Variants in GNAZ observed in about 807,000 individuals in gnomAD.
The protein encoded by GNAZ is G protein subunit alpha z.
GNAZ carries 3 observed loss-of-function variants against 25.4 expected under a neutral mutation model. The ratio of observed to expected loss-of-function variants is 0.12; its 90% CI spans 0.05 to 0.30. The LOEUF (loss-of-function observed/expected upper bound fraction) is 0.30, where lower values mean the gene tolerates loss of function less well. GNAZ is among the 10% of genes least tolerant of loss of function. GNAZ has a pLI of 1.00. For missense variants in GNAZ, 241 were observed against 501.8 expected (o/e 0.48, Z 4.97); for synonymous variants, 211 against 205.7 (o/e 1.03, Z -0.22).
intron 2 of GNAZ, among the ~76,000 whole-genome samples, chr22:23,102,238 G>A (rs1336043690): frequency 6.6e-6 from 1 of 152,242 alleles, no homozygotes; most frequent in Non-Finnish European, 1.5e-5. Flanking sequence ...ATGGGTATCT[G>A]CTCGCCTAGG....
In GNAZ at chr22:23,071,530, G is replaced by T. The variant is rs1208943684; in HGVS notation, c.-450+960G>T. 2.0e-5 allele frequency among the ~76,000 whole-genome samples: 3 copies of T among 152,222 alleles called. No homozygotes were observed. The highest frequency in any genetic ancestry group is 2.0e-4 in the Admixed American group (3 of 15,292). Reference sequence around the variant, plus strand: ...CCCTGCCCTGGGGATTGAGCTCTCTGGAGAAGGCTCCTTGGCCAAATTCAA... The same window carrying T: ...CCCTGCCCTGGGGATTGAGCTCTCTTGAGAAGGCTCCTTGGCCAAATTCAA... On this transcript the variant is annotated intron_variant, in intron 1 of 2. Transcript: ENST00000615612. The surrounding 1 kb of genome is among the most constrained non-coding windows in gnomAD (Gnocchi z 4.1).
chr22:23,086,540 C>T (rs1437616093), intron 1 of GNAZ, among the ~76,000 whole-genome samples: 3 of 152,196 alleles, frequency 2.0e-5, no homozygotes, highest in African/African-American at 7.2e-5. Flanking sequence ...AGCAGGCACA[C>T]TATAGTTGAG....
chr22:23,118,519 G>A (rs1395671621), intron 2 of GNAZ, among the ~76,000 whole-genome samples: 1 of 151,692 alleles, frequency 6.6e-6, no homozygotes, highest in Non-Finnish European at 1.5e-5. Flanking sequence ...AGAGGTGAAG[G>A]CAAGGAGGGC....
chr22:23,095,557 G>A lies in GNAZ; in HGVS notation c.-139G>A. 1.1e-6 allele frequency: 1 copy of A among 916,528 alleles called. No individual in the cohort carries two copies. Among genetic ancestry groups the A allele is most frequent in the Non-Finnish European group, 1.6e-6 (1 of 616,488 alleles). The allele number at this position is 916,528 out of a possible 1,614,324, so 56.8% of individuals were successfully genotyped here. On this transcript the variant is annotated 5_prime_UTR_variant, in exon 2 of 3. Transcript: ENST00000615612. ...GCGCTGGGGCAGGGGCTGCAGTGTGGCTCGGCCTCACCCCCCTGCTGGCAC... is the reference window on the plus strand; with the variant it reads ...GCGCTGGGGCAGGGGCTGCAGTGTGACTCGGCCTCACCCCCCTGCTGGCAC...
At chr22:23,099,772 AG>A (rs954761136) in intron 2 of GNAZ, among the ~76,000 whole-genome samples, 7 of 152,232 alleles carry the variant, frequency 4.6e-5, no homozygotes, top group Non-Finnish European at 1.0e-4. Flanking sequence ...TAGGAGGGAA[AG>A]GCAAAGTGGA....
chr22:23,112,993 G>A (rs756123394), intron 2 of GNAZ, among the ~76,000 whole-genome samples: 1 of 152,202 alleles, frequency 6.6e-6, no homozygotes, highest in Non-Finnish European at 1.5e-5. Flanking sequence ...CAGGTCTGAC[G>A]TGGCCCATTT....
At chr22:23,122,999 C>T in intron 2 of GNAZ, 88 bp from the exon 3 acceptor site, 1 of 871,510 alleles carries the variant, frequency 1.1e-6, no homozygotes, top group Admixed American at 2.0e-5. Flanking sequence ...GAGACCCTAG[C>T]AAAGGCTTCC....
chr22:23,073,396 G>C lies in GNAZ; in HGVS notation c.-450+2826G>C, dbSNP rs533446716. 2.0e-5 allele frequency among the ~76,000 whole-genome samples: 3 copies of C among 152,352 alleles called. No individual in the cohort carries two copies. In the South Asian group the frequency reaches 6.2e-4, roughly 32 times the overall value. ...TGCTGCGGCCTGGGCAGAATGAAGA[G>C]GGACGTGGGAGCACCCAGACTGTTG... is the stretch of plus-strand genomic sequence containing the variant. On this transcript the variant is annotated intron_variant, in intron 1 of 2. Coordinates refer to ENST00000615612, the MANE Select transcript of GNAZ (RefSeq NM_002073.4).
intron 2 of GNAZ, among the ~76,000 whole-genome samples, chr22:23,111,919 A>T (rs1276452720): frequency 6.6e-6 from 1 of 152,172 alleles, no homozygotes; most frequent in African/African-American, 2.4e-5. Context: ...CTGATCACAG[A>T]GTGTGTCACT....
chr22:23,116,845 C>T (rs371773088), intron 2 of GNAZ, among the ~76,000 whole-genome samples: 21 of 152,008 alleles, frequency 1.4e-4, no homozygotes, highest in African/African-American at 3.4e-4. Context: ...CAAAAACAGG[C>T]CCCCAGTCCA....
intron 1 of GNAZ, among the ~76,000 whole-genome samples, chr22:23,086,569 C>T (rs1449250878): frequency 6.6e-6 from 1 of 152,222 alleles, no homozygotes; most frequent in East Asian, 1.9e-4. Flanking sequence ...AGCAGAGCCA[C>T]AGCTGGGACC....
At chr22:23,081,038 A>G (rs1222895172) in intron 1 of GNAZ, among the ~76,000 whole-genome samples, 1 of 152,204 alleles carries the variant, frequency 6.6e-6, no homozygotes, top group East Asian at 1.9e-4. Context: ...TTGTAATCAC[A>G]GCCTGGAATA....
At chr22:23,113,728 C>T (rs1397001546) in intron 2 of GNAZ, among the ~76,000 whole-genome samples, 1 of 152,252 alleles carries the variant, frequency 6.6e-6, no homozygotes, top group Non-Finnish European at 1.5e-5. Context: ...CACTCGCCCT[C>T]TCCCCACTAG....
intron 2 of GNAZ, among the ~76,000 whole-genome samples, chr22:23,099,181 G>A (rs935007264): frequency 6.6e-6 from 1 of 152,232 alleles, no homozygotes; most frequent in Non-Finnish European, 1.5e-5. Context: ...GCGTCAGCAC[G>A]TTGCCAAGGA....
chr22:23,084,036 A>C (rs185116076), intron 1 of GNAZ, among the ~76,000 whole-genome samples: 1 of 152,212 alleles, frequency 6.6e-6, no homozygotes, highest in African/African-American at 2.4e-5. Context: ...GGAGTTAACA[A>C]GGAGGGAGGG....
At position 23,123,345 on chromosome 22, in the gene GNAZ, A is replaced by G; in HGVS notation, c.982A>G (p.Thr328Ala). 1 of 1,614,072 alleles carries G rather than the reference A, an allele frequency of 6.2e-7. No homozygotes were observed. Among genetic ancestry groups the G allele is most frequent in the Non-Finnish European group, 8.5e-7 (1 of 1,179,988 alleles). ...KEIYSHFTCA[T>A]DTSNIQFVFD... ...GATCTACTCCCACTTCACCTGCGCC[A>G]CCGACACCAGTAACATCCAGTTTGT... Residue 328 changes from threonine (T) to alanine (A), a missense_variant, in exon 3 of 3, where the codon ACC becomes GCC. Coordinates refer to ENST00000615612, the MANE Select transcript of GNAZ (RefSeq NM_002073.4).
intron 1 of GNAZ, among the ~76,000 whole-genome samples, chr22:23,080,249 A>G (rs916005743): frequency 2.0e-5 from 3 of 152,182 alleles, no homozygotes; most frequent in Non-Finnish European, 4.4e-5. Flanking sequence ...AGGCGACACT[A>G]TCACCCTTTG....
chr22:23,104,657 G>A (rs1156801383), intron 2 of GNAZ, among the ~76,000 whole-genome samples: 1 of 152,248 alleles, frequency 6.6e-6, no homozygotes, highest in Admixed American at 6.5e-5. Flanking sequence ...CCAAGGTGGA[G>A]GCTAAGAGTG....
chr22:23,104,699 TA>T (rs2069409490), intron 2 of GNAZ, among the ~76,000 whole-genome samples: 1 of 152,124 alleles, frequency 6.6e-6, no homozygotes, highest in Non-Finnish European at 1.5e-5. Flanking sequence ...GGATCCCTAG[TA>T]ACCAGTGTAG....
Sources: gnomAD v4.1 joint callset for allele counts (sites outside exome capture counted in the v4.1 genomes callset) on GRCh38, gnomAD v4.1.1 for gene constraint, Gnocchi (gnomAD v3.1) non-coding constraint, MANE v1.5 for transcripts, NCBI Gene and HGNC (gene_info 2026-07-23, HGNC 2026-07-21) for gene names.